Variants in ITPR3 observed in about 807,000 individuals in gnomAD.
ITPR3 encodes the protein inositol 1,4,5-trisphosphate-gated calcium channel ITPR3.
In ITPR3, 173 loss-of-function variants were observed where a neutral mutation model predicts 293.2. The ratio of observed to expected loss-of-function variants is 0.59; its 90% CI spans 0.52 to 0.67. The LOEUF (loss-of-function observed/expected upper bound fraction) is 0.67. ITPR3 is among the 30% of genes least tolerant of loss of function. ITPR3 has a pLI of 0.00. For synonymous variants in ITPR3, 1,295 were observed against 1,444.4 expected, an observed-to-expected ratio of 0.90 and a Z score of 2.35; for missense variants, 2,796 against 3,592.1, an observed-to-expected ratio of 0.78 and a Z score of 5.66.
chr6:33,663,918 T>G, intron 11 of ITPR3, 38 bp downstream of exon 11: 1 of 1,611,148 alleles, frequency 6.2e-7, no homozygotes, highest in Non-Finnish European at 8.5e-7. Flanking sequence ...TGACTGGTGG[T>G]GCTCAGGGTG....
At position 33,671,275 on chromosome 6, in the gene ITPR3, G is replaced by A. The variant is rs568566739; in HGVS notation, c.2697G>A (p.Pro899=). The A allele has an allele frequency of 4.8e-5, 78 of 1,613,480 alleles. No homozygotes were observed. The South Asian group carries it at 6.7e-4, about 14-fold the overall frequency. The change falls in exon 21 of 58, where the codon CCG becomes CCA. Residue 899 remains proline, a synonymous_variant. Coordinates refer to ENST00000605930, the MANE Select transcript of ITPR3 (RefSeq NM_002224.4). Reference sequence around the variant, plus strand: ...TCATCGACTGTGTGCAGGGGCCCCCGGCCATGCTGCAGGCCTATGAGGACC... The same window carrying A: ...TCATCGACTGTGTGCAGGGGCCCCCAGCCATGCTGCAGGCCTATGAGGACC... ...LGIIDCVQGP[P]AMLQAYEDPG...
chr6:33,669,279 A>C, intron 18 of ITPR3, 123 bp downstream of exon 18: 1 of 978,274 alleles, frequency 1.0e-6, no homozygotes, highest in Non-Finnish European at 1.5e-6. Flanking sequence ...GCCTCCTCAG[A>C]AGCGGAGTCC....
chr6:33,685,565 C>A, intron 40 of ITPR3, 32 bp downstream of exon 40: 1 of 1,602,376 alleles, frequency 6.2e-7, no homozygotes, highest in Non-Finnish European at 8.5e-7. Flanking sequence ...CACGGCGTGA[C>A]GGGGATCCCA....
Position 33,675,777 on chromosome 6 carries a change from C to T in ITPR3, c.3203C>T (p.Ala1068Val), listed in dbSNP as rs760300638. Residue 1068 changes from alanine to valine, a missense_variant, in exon 25 of 58, where the codon GCG becomes GTG. This residue lies in a region of ITPR3 where 955 missense variants were observed against 1,180.8 expected (regional missense o/e 0.81). Transcript: ENST00000605930. The surrounding 1 kb of genome is among the most constrained non-coding windows in gnomAD (Gnocchi z 5.0). ...ATCCACCTCACCATGCACGACTATG[C>T]GCCGCTGGTCTCGGGTGCCCTGCAG... ...VLIHLTMHDY[A>V]PLVSGALQLL... The T allele has an allele frequency of 6.2e-6, 10 of 1,611,802 alleles. No individual in the cohort carries two copies. The highest frequency in any genetic ancestry group is 8.5e-6 in the Non-Finnish European group (10 of 1,179,300).
intron 3 of ITPR3, among the ~76,000 whole-genome samples, chr6:33,656,584 T>A (rs1764311369): frequency 6.6e-6 from 1 of 152,182 alleles, no homozygotes; most frequent in African/African-American, 2.4e-5. Context: ...CACCCTGGCT[T>A]CCTCAGACAT....
intron 2 of ITPR3, among the ~76,000 whole-genome samples, chr6:33,646,368 C>G (rs1361222203): frequency 2.0e-5 from 2 of 99,566 alleles, no homozygotes; most frequent in East Asian, 3.9e-4. Flanking sequence ...CTCTTCCCAC[C>G]CCCCACCCCC....
rs1312538963 is a variant in ITPR3, at chr6:33,687,254, A to G, written c.6104A>G (p.Gln2035Arg). ...GACGTCATCAAGAAGGCCTACCTGC[A>G]GGAGGAAGAGCGTGAGAACTCGGAG... Reference protein sequence around the residue: ...LVDVIKKAYLQEEERENSEVS... With the variant: ...LVDVIKKAYLREEERENSEVS... The change falls in exon 45 of 58, where the codon CAG (glutamine) becomes CGG (arginine). Residue 2035 changes from glutamine to arginine, a missense_variant. Coordinates refer to ENST00000605930, the MANE Select transcript of ITPR3 (RefSeq NM_002224.4). The surrounding 1 kb of genome is among the most constrained non-coding windows in gnomAD (Gnocchi z 5.3). 6.2e-6 allele frequency: 10 copies of G among 1,613,710 alleles called. No individual in the cohort carries two copies. The highest frequency in any genetic ancestry group is 8.5e-6 in the Non-Finnish European group (10 of 1,179,704).
chr6:33,659,189 C>T (rs903920564), intron 6 of ITPR3, 70 bp downstream of exon 6: 2 of 1,400,870 alleles, frequency 1.4e-6, no homozygotes, highest in African/African-American at 2.8e-5. Context: ...AGACACCCCG[C>T]TCCCTGCCAT....
chr6:33,676,664 T>G, intron 25 of ITPR3, 104 bp from the exon 26 acceptor site: 3 of 1,316,954 alleles, frequency 2.3e-6, no homozygotes, highest in South Asian at 1.4e-5. Context: ...GGACAGGTGG[T>G]GGTCTACAGG....
chr6:33,683,256 C>T lies in ITPR3; in HGVS notation c.4647C>T (p.Ser1549=). The T allele has an allele frequency of 1.3e-6, 2 of 1,566,324 alleles. No individual in the cohort carries two copies. Among genetic ancestry groups the T allele is most frequent in the South Asian group, 2.4e-5 (2 of 84,600 alleles). ...LLPMDLDAHI[S]SMLSSGASCA... Reference sequence around the variant, plus strand: ...CCATGGACCTGGATGCCCACATCAGCTCGATGCTCAGCAGTGGAGCCAGCT... The same window carrying T: ...CCATGGACCTGGATGCCCACATCAGTTCGATGCTCAGCAGTGGAGCCAGCT... Residue 1549 remains serine (S), a synonymous_variant, in exon 35 of 58, where the codon AGC becomes AGT. Coordinates refer to ENST00000605930, the MANE Select transcript of ITPR3 (RefSeq NM_002224.4). The surrounding 1 kb of genome is among the most constrained non-coding windows in gnomAD (Gnocchi z 4.5).
chr6:33,695,665 G>C, intron 57 of ITPR3, 47 bp from the exon 58 acceptor site: 1 of 1,584,948 alleles, frequency 6.3e-7, no homozygotes. Context: ...ATGGAGGGAA[G>C]GTGCCAGGCG....
Position 33,687,454 on chromosome 6 carries a change from T to G in ITPR3, c.6178-24T>G. The G allele has an allele frequency of 6.3e-7, 1 of 1,598,458 alleles. No individual in the cohort carries two copies. Among genetic ancestry groups the G allele is most frequent in the Non-Finnish European group, 8.5e-7 (1 of 1,171,798 alleles). On this transcript the variant is annotated intron_variant, in intron 45 of 57. Transcript: ENST00000605930. The surrounding 1 kb of genome is among the most constrained non-coding windows in gnomAD (Gnocchi z 5.3). ...ATGTCCCCCAGCCACCACACCCTGG[T>G]GACTGTGCTGCCATTTCCCTCAGCT...
chr6:33,669,215 C>G (rs1764694435), intron 18 of ITPR3, 59 bp downstream of exon 18: 1 of 1,539,702 alleles, frequency 6.5e-7, no homozygotes, highest in Admixed American at 1.7e-5. Context: ...TCTCAGTAGG[C>G]CGTCAGTCAA....
intron 1 of ITPR3, among the ~76,000 whole-genome samples, chr6:33,636,974 C>T (rs570058294): frequency 8.1e-4 from 123 of 152,322 alleles, no homozygotes; most frequent in African/African-American, 2.8e-3. Context: ...GGCTGCCTGG[C>T]TTCAAAACCT....
chr6:33,659,408 C>G (rs893917625), intron 6 of ITPR3, 58 bp from the exon 7 acceptor site: 3 of 1,475,604 alleles, frequency 2.0e-6, no homozygotes, highest in Admixed American at 1.7e-5. Flanking sequence ...CAGCCCTGCT[C>G]TGGGCCCTCA....
chr6:33,674,346 C>A, intron 24 of ITPR3, 81 bp downstream of exon 24: 1 of 1,378,432 alleles, frequency 7.3e-7, no homozygotes, highest in South Asian at 1.3e-5. Flanking sequence ...GGTTCCTGGG[C>A]TGGGGGCTGG....
rs569148051 is a variant in ITPR3, at chr6:33,687,658, C to T, written c.6264+94C>T. The T allele has an allele frequency of 1.1e-5, 11 of 1,002,460 alleles. No individual in the cohort carries two copies. The highest frequency in any genetic ancestry group is 1.7e-5 in the Non-Finnish European group (11 of 661,078). 62.1% of individuals were successfully genotyped at this position (1,002,460 alleles called of 1,614,324 possible). On this transcript the variant is annotated intron_variant, in intron 46 of 57. Coordinates refer to ENST00000605930, the MANE Select transcript of ITPR3 (RefSeq NM_002224.4). The surrounding 1 kb of genome is among the most constrained non-coding windows in gnomAD (Gnocchi z 5.3). The stretch of plus-strand genomic sequence containing the variant: ...GCGTGGCCTGGAACAGAGTGAGGCC[C>T]TAGAATATGAGCCAGGCTAGAATTT...
chr6:33,685,334 T>C lies in ITPR3; in HGVS notation c.5308-25T>C, dbSNP rs942637. 1,436,570 of 1,597,314 alleles carry C rather than the reference T, an allele frequency of 0.9. 646,791 individuals are homozygous for C. Among genetic ancestry groups the C allele is most frequent in the East Asian group, 0.99 (44,290 of 44,514 alleles). On this transcript the variant is annotated intron_variant, in intron 39 of 57. Transcript: ENST00000605930. Reference sequence around the variant, plus strand: ...GGAGCAGGGCCCAGTGCTGAGGTTGTTCCCTGGCCACTGTCCACCTCCAGA... The same window carrying C: ...GGAGCAGGGCCCAGTGCTGAGGTTGCTCCCTGGCCACTGTCCACCTCCAGA...
In ITPR3 at chr6:33,692,927, G is replaced by A; in HGVS notation, c.7624+34G>A. 6.2e-7 allele frequency: 1 copy of A among 1,608,038 alleles called. No individual in the cohort carries two copies. Among genetic ancestry groups the A allele is most frequent in the Non-Finnish European group, 8.5e-7 (1 of 1,176,034 alleles). On this transcript the variant is annotated intron_variant, in intron 55 of 57. Transcript: ENST00000605930. This position sits in a 1 kb window ranked among gnomAD's most constrained non-coding sequence, Gnocchi z 4.2. ...TGCTTCCTGCTCTGTGGAGGCCGCA[G>A]CGGGGCTGGAACGTCATCTGATGCC...
Sources: allele counts gnomAD v4.1 joint callset (sites outside exome capture counted in the v4.1 genomes callset), GRCh38; gene constraint gnomAD v4.1.1; regional missense constraint gnomAD v4.1.1; non-coding constraint Gnocchi (gnomAD v3.1); transcripts MANE v1.5; gene names NCBI Gene and HGNC (gene_info 2026-07-23, HGNC 2026-07-21).